The following RTL4 variants were observed in gnomAD, a reference collection of about 807,000 sequenced individuals.
RTL4 encodes retrotransposon Gag-like protein 4.
RTL4 carries 4 observed loss-of-function variants against 5.3 expected under a neutral mutation model. That is an observed-to-expected ratio of 0.75 (90% confidence interval 0.37 to 1.72). RTL4 has a LOEUF of 1.72. Ranked by LOEUF, RTL4 falls within the 40% of genes most tolerant of loss-of-function variation. The pLI is 0.04. For missense variants in RTL4, 260 were observed against 227.1 expected, an observed-to-expected ratio of 1.14 and a Z score of -0.93; for synonymous variants, 98 against 87.3, an observed-to-expected ratio of 1.12 and a Z score of -0.68.
the RTL4 span, among the ~76,000 whole-genome samples, chrX:112,397,557 C>A: frequency 8.9e-6 from 1 of 111,809 alleles, no homozygotes; most frequent in African/African-American, 3.2e-5. Flanking sequence ...ATTTTTGTTA[C>A]ACTGAGCTGA....
exon 1 of RTL4, chrX:112,455,363 G>T: frequency 8.3e-7 from 1 of 1,211,644 alleles, no homozygotes; most frequent in Non-Finnish European, 1.1e-6. Flanking sequence ...ATCACTCAGT[G>T]CATTCAGTTG....
At chrX:112,169,694 A>G in the RTL4 span, among the ~76,000 whole-genome samples, 1 of 111,452 alleles carries the variant, frequency 9.0e-6, no homozygotes, top group Admixed American at 9.6e-5. Flanking sequence ...CCTCCTAGGC[A>G]CACCTCATCT....
At chrX:112,283,866 C>T in the RTL4 span, among the ~76,000 whole-genome samples, 57 of 110,907 alleles carry the variant, frequency 5.1e-4, no homozygotes, top group Non-Finnish European at 9.8e-4. Flanking sequence ...CATCTCATAA[C>T]CTGCTCTTGT....
At chrX:112,119,671 T>A in the RTL4 span, among the ~76,000 whole-genome samples, 5 of 111,818 alleles carry the variant, frequency 4.5e-5, no homozygotes, top group African/African-American at 1.6e-4. Flanking sequence ...TCTTCACTGA[T>A]AAAGGAAGCA....
chrX:112,142,602 A>G, the RTL4 span, among the ~76,000 whole-genome samples: 4 of 111,861 alleles, frequency 3.6e-5, no homozygotes, highest in African/African-American at 1.3e-4. Context: ...GACACTAAAC[A>G]ATGGCCATGG....
chrX:112,189,438 A>G, the RTL4 span, among the ~76,000 whole-genome samples: 1 of 112,038 alleles, frequency 8.9e-6, no homozygotes, highest in African/African-American at 3.2e-5. Context: ...TGTTGCAAGC[A>G]TAAACATTCA....
chrX:112,266,298 C>G, the RTL4 span, among the ~76,000 whole-genome samples: 4 of 111,429 alleles, frequency 3.6e-5, no homozygotes, highest in Non-Finnish European at 5.6e-5. Context: ...CACTAAAAAC[C>G]TTAATTTGGT....
chrX:112,095,169 C>G, the RTL4 span, among the ~76,000 whole-genome samples: 2 of 111,348 alleles, frequency 1.8e-5, no homozygotes, highest in African/African-American at 6.5e-5. Flanking sequence ...CAAAAAGTAT[C>G]CACGTGGATT....
At chrX:112,236,413 CTATATCTATATA>C in the RTL4 span, among the ~76,000 whole-genome samples, 1 of 55,913 alleles carries the variant, frequency 1.8e-5, no homozygotes, top group Non-Finnish European at 3.4e-5. Context: ...AGATATAGAT[CTATATCTATATA>C]TAGATATAGA....
chrX:112,319,497 G>T, the RTL4 span, among the ~76,000 whole-genome samples: 1 of 111,532 alleles, frequency 9.0e-6, no homozygotes, highest in Non-Finnish European at 1.9e-5. Context: ...TTTTTATTGA[G>T]ACATAATTTA....
chrX:112,451,372 G>A (rs1003798946), upstream of RTL4, among the ~76,000 whole-genome samples: 3 of 110,824 alleles, frequency 2.7e-5, no homozygotes, highest in African/African-American at 9.9e-5. Flanking sequence ...GGTGGTATGT[G>A]CCTGTAGTCC....
chrX:112,198,652 T>G, the RTL4 span, among the ~76,000 whole-genome samples: 5 of 111,490 alleles, frequency 4.5e-5, no homozygotes, highest in African/African-American at 1.6e-4. Context: ...TATTTACCCA[T>G]TCATCTGCCC....
the RTL4 span, among the ~76,000 whole-genome samples, chrX:112,160,383 A>G: frequency 8.9e-6 from 1 of 112,162 alleles, no homozygotes; most frequent in Admixed American, 9.5e-5. Context: ...GTACCTTGGG[A>G]AAGTCACATA....
the RTL4 span, among the ~76,000 whole-genome samples, chrX:112,212,359 G>C: frequency 8.9e-6 from 1 of 111,767 alleles, no homozygotes; most frequent in Non-Finnish European, 1.9e-5. Flanking sequence ...CTGGGCGACA[G>C]AGCGAGACTC....
chrX:112,320,743 A>G, the RTL4 span, among the ~76,000 whole-genome samples: 1 of 111,562 alleles, frequency 9.0e-6, no homozygotes, highest in African/African-American at 3.3e-5. Context: ...TATTAGCTAC[A>G]AGCTTCACTT....
chrX:112,168,237 C>T, the RTL4 span, among the ~76,000 whole-genome samples: 1 of 111,700 alleles, frequency 9.0e-6, no homozygotes, highest in Non-Finnish European at 1.9e-5. Context: ...TACTCAAACC[C>T]TCTGAAAGGC....
At chrX:112,244,582 G>A in the RTL4 span, among the ~76,000 whole-genome samples, 1 of 110,904 alleles carries the variant, frequency 9.0e-6, no homozygotes, top group African/African-American at 3.3e-5. Flanking sequence ...TTGAGCCTAT[G>A]TGTGCTTCTG....
chrX:112,118,982 T>A, the RTL4 span, among the ~76,000 whole-genome samples: 1 of 108,988 alleles, frequency 9.2e-6, no homozygotes, highest in African/African-American at 3.4e-5. Context: ...CCTCCCAGAC[T>A]ACAGGCATGT....
the RTL4 span, among the ~76,000 whole-genome samples, chrX:112,437,964 C>A: frequency 1.8e-5 from 2 of 110,415 alleles, no homozygotes; most frequent in Non-Finnish European, 3.8e-5. Context: ...TAAGCTGGTA[C>A]AAAATGCCAT....
Sources: allele counts gnomAD v4.1 joint callset (sites outside exome capture counted in the v4.1 genomes callset), GRCh38; gene constraint gnomAD v4.1.1; transcripts MANE v1.5; gene names NCBI Gene and HGNC (gene_info 2026-07-23, HGNC 2026-07-21).